The following ANXA6 variants were observed in gnomAD, a reference collection of about 807,000 sequenced individuals.
ANXA6 encodes annexin A6.
In ANXA6, 71 loss-of-function variants were observed where a neutral mutation model predicts 95.4. The observed-to-expected ratio is 0.74, with a 90% CI of 0.61 to 0.91. The LOEUF is 0.91. Ranked by LOEUF, ANXA6 falls within the 40% of genes least tolerant of loss-of-function variation. ANXA6 has a pLI of 0.00. For missense variants in ANXA6, 830 were observed against 876.4 expected (o/e 0.95, Z 0.67); for synonymous variants, 289 against 315.9 (o/e 0.91, Z 0.90).
chr5:151,112,842 T>G (rs75758583), intron 20 of ANXA6, among the ~76,000 whole-genome samples: 3,106 of 152,204 alleles, frequency 0.02, 112 homozygotes, highest in African/African-American at 0.07. Flanking sequence ...AAAACCTAGT[T>G]GAACCCTGAG....
At chr5:151,129,591 C>T in intron 11 of ANXA6, 62 bp from the exon 12 acceptor site, 1 of 1,509,052 alleles carries the variant, frequency 6.6e-7, no homozygotes, top group South Asian at 1.3e-5. Flanking sequence ...CTGATAGCTC[C>T]CAGCTTAGTT....
At chr5:151,146,209 C>T (rs912297699) in intron 2 of ANXA6, among the ~76,000 whole-genome samples, 1 of 152,240 alleles carries the variant, frequency 6.6e-6, no homozygotes, top group Non-Finnish European at 1.5e-5. Flanking sequence ...CCTCTCTGAT[C>T]TTCCAGGGCC....
chr5:151,101,705 A>G (rs1400225596), intron 25 of ANXA6, among the ~76,000 whole-genome samples, 198 bp from the exon 26 acceptor site: 5 of 152,128 alleles, frequency 3.3e-5, no homozygotes, highest in Non-Finnish European at 7.4e-5. Flanking sequence ...CCCCAGGAAG[A>G]TATGCAAGCT....
intron 1 of ANXA6, among the ~76,000 whole-genome samples, chr5:151,148,642 C>A (rs1445829414): frequency 6.6e-6 from 1 of 152,276 alleles, no homozygotes; most frequent in East Asian, 1.9e-4. Context: ...GAATGAATAA[C>A]AAATGCACTC....
intron 17 of ANXA6, among the ~76,000 whole-genome samples, chr5:151,121,090 C>G (rs1765154972): frequency 6.6e-6 from 1 of 152,210 alleles, no homozygotes; most frequent in Non-Finnish European, 1.5e-5. Context: ...ATCTGCTTAG[C>G]CTAGGCAATG....
chr5:151,139,151 C>T (rs184441207), intron 4 of ANXA6: 23 of 593,100 alleles, frequency 3.9e-5, no homozygotes, highest in East Asian at 3.6e-4. Flanking sequence ...ACACCTAGCA[C>T]GAGCCCAGCA....
chr5:151,112,158 T>C (rs901295950), intron 20 of ANXA6, among the ~76,000 whole-genome samples: 1 of 152,160 alleles, frequency 6.6e-6, no homozygotes, highest in African/African-American at 2.4e-5. Context: ...CTATGACTTA[T>C]CCAATCAATG....
Position 151,132,586 on chromosome 5 carries a change from G to C in ANXA6, c.641-15C>G. ...CTCATCGAACACTGCGTCAGACAGA[G>C]AGACAGGGAGGTTTGAGAGTGCCTC... On this transcript the variant is annotated splice_polypyrimidine_tract_variant and intron_variant, in intron 9 of 25. Transcript: ENST00000354546. 6.2e-7 allele frequency: 1 copy of C among 1,607,972 alleles called. No individual in the cohort carries two copies. The highest frequency in any genetic ancestry group is 2.2e-5 in the East Asian group (1 of 44,718).
intron 1 of ANXA6, chr5:151,155,310 C>T (rs940969568): frequency 1.3e-5 from 2 of 152,190 alleles, no homozygotes; most frequent in African/African-American, 2.4e-5. Context: ...AGGCTCAGGT[C>T]GCCTGCCTTC....
intron 14 of ANXA6, among the ~76,000 whole-genome samples, 200 bp downstream of exon 14, chr5:151,126,202 C>T (rs575031628): frequency 1.2e-4 from 18 of 152,272 alleles, no homozygotes; most frequent in Non-Finnish European, 1.9e-4. Flanking sequence ...CCCTTTCCAG[C>T]GTGTCAGAAG....
chr5:151,138,052 T>C (rs1765718141), intron 5 of ANXA6, among the ~76,000 whole-genome samples: 1 of 152,224 alleles, frequency 6.6e-6, no homozygotes, highest in African/African-American at 2.4e-5. Context: ...CTCACATTGC[T>C]AAGTGCATCA....
intron 2 of ANXA6, among the ~76,000 whole-genome samples, chr5:151,144,074 A>G (rs1765913071): frequency 6.6e-6 from 1 of 152,118 alleles, no homozygotes; most frequent in Non-Finnish European, 1.5e-5. Context: ...GAGGCTGGAG[A>G]AGATGATGGG....
At chr5:151,139,734 G>A (rs1021318588) in intron 3 of ANXA6, among the ~76,000 whole-genome samples, 15 of 152,186 alleles carry the variant, frequency 9.9e-5, no homozygotes, top group African/African-American at 3.6e-4. Flanking sequence ...ACTTGTCCAA[G>A]GTCTCACAAT....
chr5:151,136,286 G>A lies in ANXA6; in HGVS notation c.459C>T (p.His153=). 1 of 1,614,008 alleles carries A rather than the reference G, an allele frequency of 6.2e-7. No homozygotes were observed. Among genetic ancestry groups the A allele is most frequent in the Non-Finnish European group, 8.5e-7 (1 of 1,179,880 alleles). ...GCAGGACCACAAGCATCTTCTGGAAGTGGCCAGAGGTGTCGCCGATGATGT... is the reference window on the plus strand; with the variant it reads ...GCAGGACCACAAGCATCTTCTGGAAATGGCCAGAGGTGTCGCCGATGATGT... ...EADIIGDTSG[H]FQKMLVVLLQ... is the part of the protein sequence containing the mutation. The change falls in exon 7 of 26, where the codon CAC becomes CAT. Residue 153 remains histidine (H), a synonymous_variant. Transcript: ENST00000354546.
intron 23 of ANXA6, among the ~76,000 whole-genome samples, 161 bp from the exon 24 acceptor site, chr5:151,105,464 C>A (rs1265258029): frequency 6.6e-6 from 1 of 152,174 alleles, no homozygotes; most frequent in Non-Finnish European, 1.5e-5. Context: ...TGCTCCCCTT[C>A]CCCATGCTTC....
chr5:151,154,072 C>T (rs1417268168), intron 1 of ANXA6, among the ~76,000 whole-genome samples: 1 of 152,054 alleles, frequency 6.6e-6, no homozygotes, highest in Non-Finnish European at 1.5e-5. Context: ...CTTTACTCCT[C>T]TTTCTATAGC....
At chr5:151,149,638 C>A (rs1766060403) in intron 1 of ANXA6, among the ~76,000 whole-genome samples, 1 of 152,096 alleles carries the variant, frequency 6.6e-6, no homozygotes, top group Non-Finnish European at 1.5e-5. Flanking sequence ...AGGTGCACGG[C>A]ACCACACCTG....
chr5:151,136,674 C>T (rs1224274393), intron 6 of ANXA6, among the ~76,000 whole-genome samples: 3 of 152,208 alleles, frequency 2.0e-5, no homozygotes, highest in Non-Finnish European at 2.9e-5. Context: ...ATCTGATCAT[C>T]ATACTCCCCA....
In ANXA6 at chr5:151,149,954, C is replaced by T. The variant is rs117508705; in HGVS notation, c.-25-2028G>A. Among the ~76,000 whole-genome samples, 51 of 151,828 alleles carry T rather than the reference C, an allele frequency of 3.4e-4. 1 individual carries two copies. In the East Asian group the frequency reaches 6.4e-3, roughly 19 times the overall value. On this transcript the variant is annotated intron_variant, in intron 1 of 25. Transcript: ENST00000354546. Reference sequence around the variant, plus strand: ...GCCAACATGCGAAACCCCGTCTCTACGAAAAAATACAAAAATTAGCCAGGT... The same window carrying T: ...GCCAACATGCGAAACCCCGTCTCTATGAAAAAATACAAAAATTAGCCAGGT...
Sources: allele counts gnomAD v4.1 joint callset (sites outside exome capture counted in the v4.1 genomes callset), GRCh38; gene constraint gnomAD v4.1.1; transcripts MANE v1.5; gene names NCBI Gene and HGNC (gene_info 2026-07-23, HGNC 2026-07-21).